The following FSHR variants were observed in gnomAD, a reference collection of about 807,000 sequenced individuals.
The protein encoded by FSHR is follicle stimulating hormone receptor.
Under a neutral mutation model 52.1 loss-of-function variants are expected in FSHR, and 46 were observed. That is an observed-to-expected ratio of 0.88 (90% confidence interval 0.70 to 1.13). The LOEUF (loss-of-function observed/expected upper bound fraction) is 1.13, where lower values mean the gene tolerates loss of function less well. Among genes scored for constraint, FSHR ranks in the 50% most tolerant of loss-of-function variants. The pLI, the probability that FSHR is intolerant of heterozygous loss-of-function variation, is 0.00. For missense variants in FSHR, 964 were observed against 834.6 expected (o/e 1.16, Z -1.91); for synonymous variants, 399 against 309.6 (o/e 1.29, Z -3.03).
At chr2:49,085,677 G>C (rs1184825614) in intron 1 of FSHR, among the ~76,000 whole-genome samples, 7 of 151,122 alleles carry the variant, frequency 4.6e-5, no homozygotes, top group Admixed American at 3.3e-4. Context: ...ATGTTTATTG[G>C]GGCACTATTC....
At position 49,068,164 on chromosome 2, in the gene FSHR, G is replaced by T. The variant is rs936199437; in HGVS notation, c.224+55C>A. The T allele has an allele frequency of 2.9e-6, 4 of 1,359,206 alleles. No individual in the cohort carries two copies. The African/African-American group carries it at 4.4e-5, about 15-fold the overall frequency. 84.2% of individuals were successfully genotyped at this position (1,359,206 alleles called of 1,614,324 possible). On this transcript the variant is annotated intron_variant, in intron 2 of 9. Coordinates refer to ENST00000406846, the MANE Select transcript of FSHR (RefSeq NM_000145.4). ...ATAGTCATACTAGATGTGGTCTGAG[G>T]TTGCTCCCTATAGCCCCCTTGAGGC...
chr2:49,092,627 T>G (rs1344837581), intron 1 of FSHR, among the ~76,000 whole-genome samples: 1 of 152,136 alleles, frequency 6.6e-6, no homozygotes, highest in East Asian at 1.9e-4. Context: ...ATTGTATAAA[T>G]TATAGTGTTT....
intron 1 of FSHR, among the ~76,000 whole-genome samples, chr2:49,095,602 CAAAAG>C (rs909119272): frequency 1.3e-5 from 2 of 151,960 alleles, no homozygotes; most frequent in Admixed American, 1.3e-4. Context: ...AAAGCATAAA[CAAAAG>C]AAAAAGTAGA....
intron 1 of FSHR, among the ~76,000 whole-genome samples, chr2:49,094,571 A>C (rs1400747432): frequency 6.6e-6 from 1 of 152,168 alleles, no homozygotes; most frequent in Non-Finnish European, 1.5e-5. Context: ...CAGGACATAG[A>C]ATTTGGAGTC....
intron 2 of FSHR, among the ~76,000 whole-genome samples, chr2:49,067,555 G>A (rs1669554254): frequency 6.6e-6 from 1 of 152,086 alleles, no homozygotes; most frequent in Admixed American, 6.6e-5. Context: ...CCCAGGAGGT[G>A]ATACCAAGAG....
intron 2 of FSHR, among the ~76,000 whole-genome samples, chr2:49,030,187 C>T (rs1355140338): frequency 6.6e-6 from 1 of 151,768 alleles, no homozygotes; most frequent in East Asian, 1.9e-4. Context: ...AAGAGGGCTC[C>T]ATTGATACCC....
Position 49,092,858 on chromosome 2 carries a change from G to A in FSHR, c.153-24568C>T, listed in dbSNP as rs1348970034. Among the ~76,000 whole-genome samples the A allele has an allele frequency of 2.0e-5, 3 of 152,016 alleles. No homozygotes were observed. The East Asian group carries it at 5.8e-4, about 29-fold the overall frequency. ...TTTTTCTATTTTTAGTAGAGATGGGGTTTCACCATGTTGGGCAGGCTGGTC... is the reference window on the plus strand; with the variant it reads ...TTTTTCTATTTTTAGTAGAGATGGGATTTCACCATGTTGGGCAGGCTGGTC... On this transcript the variant is annotated intron_variant, in intron 1 of 9. Transcript: ENST00000406846.
At chr2:49,020,049 A>T (rs1667633470) in intron 3 of FSHR, 37 bp downstream of exon 3, 1 of 1,568,322 alleles carries the variant, frequency 6.4e-7, no homozygotes, top group African/African-American at 1.3e-5. Flanking sequence ...TTTTTTCAAG[A>T]ATGGCCATGA....
chr2:48,976,414 C>T (rs1460439170), intron 8 of FSHR, among the ~76,000 whole-genome samples: 4 of 152,114 alleles, frequency 2.6e-5, no homozygotes, highest in Non-Finnish European at 5.9e-5. Context: ...ATTTTCGCAT[C>T]GATGTTCATC....
intron 1 of FSHR, among the ~76,000 whole-genome samples, chr2:49,133,767 C>A (rs947838121): frequency 6.6e-6 from 1 of 152,058 alleles, no homozygotes; most frequent in African/African-American, 2.4e-5. Context: ...TAATACCATA[C>A]ATCTACAACC....
intron 2 of FSHR, among the ~76,000 whole-genome samples, chr2:49,044,881 C>CA (rs1668600988): frequency 6.6e-6 from 1 of 152,114 alleles, no homozygotes; most frequent in South Asian, 2.1e-4. Context: ...TGCTCAGGCT[C>CA]AATTAGCCCA....
chr2:49,093,952 G>C (rs1293031846), intron 1 of FSHR, among the ~76,000 whole-genome samples: 1 of 152,082 alleles, frequency 6.6e-6, no homozygotes, highest in Non-Finnish European at 1.5e-5. Context: ...GCACATAGTT[G>C]AATATCTTTG....
At chr2:48,983,911 G>T (rs1325001345) in intron 6 of FSHR, among the ~76,000 whole-genome samples, 1 of 152,128 alleles carries the variant, frequency 6.6e-6, no homozygotes, top group Non-Finnish European at 1.5e-5. Context: ...GGACAGGGGA[G>T]CCCAAGGACA....
At chr2:49,074,893 G>C (rs1669889446) in intron 1 of FSHR, among the ~76,000 whole-genome samples, 2 of 152,032 alleles carry the variant, frequency 1.3e-5, no homozygotes, top group Admixed American at 1.3e-4. Flanking sequence ...CAGCAACATG[G>C]GTGGAATTGG....
intron 9 of FSHR, among the ~76,000 whole-genome samples, chr2:48,967,444 G>C (rs1461755947): frequency 1.3e-5 from 2 of 152,092 alleles, no homozygotes; most frequent in Non-Finnish European, 2.9e-5. Flanking sequence ...CAGTCCCATG[G>C]ACTTGGTGCA....
chr2:49,143,243 G>A (rs964280854), intron 1 of FSHR, among the ~76,000 whole-genome samples: 5 of 152,152 alleles, frequency 3.3e-5, no homozygotes, highest in Non-Finnish European at 7.3e-5. Context: ...GAAAACTAGT[G>A]TGGTATCACA....
At chr2:48,985,374 G>A (rs1010736957) in intron 6 of FSHR, among the ~76,000 whole-genome samples, 1 of 152,194 alleles carries the variant, frequency 6.6e-6, no homozygotes, top group African/African-American at 2.4e-5. Context: ...AAACACGCAC[G>A]AAGCAGGTCT....
chr2:49,063,203 C>T (rs1427598669), intron 2 of FSHR, among the ~76,000 whole-genome samples: 1 of 152,028 alleles, frequency 6.6e-6, no homozygotes. Context: ...GCCACTGTAC[C>T]CTGGCTTGAG....
chr2:49,093,635 C>T (rs1670704039), intron 1 of FSHR, among the ~76,000 whole-genome samples: 1 of 142,170 alleles, frequency 7.0e-6, no homozygotes, highest in Admixed American at 7.5e-5. Context: ...TGCTCTGTCT[C>T]CCAGGCTGGA....
Sources: allele counts gnomAD v4.1 joint callset (sites outside exome capture counted in the v4.1 genomes callset), GRCh38; gene constraint gnomAD v4.1.1; transcripts MANE v1.5; gene names NCBI Gene and HGNC (gene_info 2026-07-23, HGNC 2026-07-21).